The following RAD17 variants were observed in gnomAD, a reference collection of about 807,000 sequenced individuals.
The protein encoded by RAD17 is RAD17 checkpoint clamp loader component, also known as cell cycle checkpoint protein RAD17.
In RAD17, 31 loss-of-function variants were observed where a neutral mutation model predicts 81.5. The ratio of observed to expected loss-of-function variants is 0.38; its 90% CI spans 0.29 to 0.51. The LOEUF is 0.51. Among genes scored for constraint, RAD17 ranks in the 20% least tolerant of loss-of-function variants. The probability of loss-of-function intolerance (pLI) is 0.88; values close to 1 mark genes in which losing one functional copy is unlikely to be tolerated. For synonymous variants in RAD17, 261 were observed against 266.2 expected (o/e 0.98, Z 0.19); for missense variants, 681 against 781.2 (o/e 0.87, Z 1.53).
intron 16 of RAD17, among the ~76,000 whole-genome samples, chr5:69,397,153 A>G (rs1764943679): frequency 6.7e-6 from 1 of 149,808 alleles, no homozygotes; most frequent in Admixed American, 6.7e-5. Context: ...TTTATTTTTT[A>G]TTTTTATTCA....
At position 69,400,039 on chromosome 5, in the gene RAD17, T is replaced by C; in HGVS notation, c.1573-10T>C. 6.4e-7 allele frequency: 1 copy of C among 1,553,412 alleles called. No individual in the cohort carries two copies. The highest frequency in any genetic ancestry group is 8.7e-7 in the Non-Finnish European group (1 of 1,150,050). On this transcript the variant is annotated splice_polypyrimidine_tract_variant and intron_variant, in intron 16 of 18. Coordinates refer to ENST00000354868, the MANE Select transcript of RAD17 (RefSeq NM_133338.3). ...TTTCCTTTCATCTTTTTTTTTTCTT[T>C]TCTATACAGTATCGGGAAAATTGCC...
intron 4 of RAD17, among the ~76,000 whole-genome samples, chr5:69,373,367 A>G (rs563767916): frequency 1.3e-5 from 2 of 152,318 alleles, no homozygotes; most frequent in South Asian, 4.1e-4. Context: ...TAGAAAAACA[A>G]CTATTACAGA....
At chr5:69,406,998 GA>G (rs1241976059) in intron 17 of RAD17, among the ~76,000 whole-genome samples, 5 of 122,582 alleles carry the variant, frequency 4.1e-5, no homozygotes, top group Non-Finnish European at 6.6e-5. Context: ...GTTTGTAGTA[GA>G]TTTTTTTTTT....
At chr5:69,409,248 G>GTA (rs1328899032) in intron 17 of RAD17, among the ~76,000 whole-genome samples, 2 of 152,112 alleles carry the variant, frequency 1.3e-5, no homozygotes. Context: ...TAACAAGCTG[G>GTA]GGTAAGGGAG....
chr5:69,399,382 A>C (rs567072545), intron 16 of RAD17, among the ~76,000 whole-genome samples: 1 of 152,162 alleles, frequency 6.6e-6, no homozygotes, highest in Non-Finnish European at 1.5e-5. Flanking sequence ...TGGTTCATTC[A>C]CTTATATTGC....
At chr5:69,369,692 G>C (rs1487402357), upstream of RAD17, 30 of 1,553,464 alleles carry the variant, frequency 1.9e-5, no homozygotes, top group Non-Finnish European at 2.5e-5. Context: ...CGCAAAGTTG[G>C]AGGGTGGGCA....
rs550222595 is a variant in RAD17 at position 69,407,562 on chromosome 5, G to GTTTTTTT, written c.1694-2906_1694-2900dup. 3.0e-3 allele frequency among the ~76,000 whole-genome samples: 122 copies of GTTTTTTT among 40,936 alleles called. 41 individuals carry two copies. The highest frequency in any genetic ancestry group is 8.1e-3 in the East Asian group (8 of 986). 26.9% of individuals were successfully genotyped at this position (40,936 alleles called of 152,430 possible). On this transcript the variant is annotated intron_variant, in intron 17 of 18. Coordinates refer to ENST00000354868, the MANE Select transcript of RAD17 (RefSeq NM_133338.3). Reference sequence around the variant, plus strand: ...CTTCTATATGTCAATCTATGTCCAAGTTTTTTTTTTTTTTTTTTTTTTTTT... The same window carrying GTTTTTTT: ...CTTCTATATGTCAATCTATGTCCAAGTTTTTTTTTTTTTTTTTTTTTTTTTTTTTTTT...
At chr5:69,370,478 T>A (rs769539107) in intron 1 of RAD17, among the ~76,000 whole-genome samples, 2 of 152,108 alleles carry the variant, frequency 1.3e-5, no homozygotes, top group Non-Finnish European at 2.9e-5. Flanking sequence ...TAGCTGGGAT[T>A]ACAGGCGCCC....
At chr5:69,396,316 T>G (rs1311777470) in intron 15 of RAD17, 81 bp from the exon 16 acceptor site, 3 of 1,394,882 alleles carry the variant, frequency 2.2e-6, no homozygotes, top group African/African-American at 1.4e-5. Flanking sequence ...TAAATACGGT[T>G]AGTATTTTTG....
intron 16 of RAD17, 114 bp from the exon 17 acceptor site, chr5:69,399,935 C>T (rs1231313684): frequency 1.1e-5 from 7 of 638,924 alleles, no homozygotes; most frequent in Admixed American, 7.6e-5. Flanking sequence ...TATATAAACC[C>T]ACAAGTTAAT....
chr5:69,372,620 T>C (rs921782875), intron 4 of RAD17, among the ~76,000 whole-genome samples: 1 of 150,420 alleles, frequency 6.6e-6, no homozygotes, highest in African/African-American at 2.4e-5. Context: ...ATTAGCAAAA[T>C]TTTTTTTTTG....
chr5:69,405,389 AGGCGTGGT>A (rs2150875167), intron 17 of RAD17, among the ~76,000 whole-genome samples: 1 of 151,330 alleles, frequency 6.6e-6, no homozygotes, highest in Non-Finnish European at 1.5e-5. Flanking sequence ...AAAATAGGCC[AGGCGTGGT>A]GGCTCACGCT....
chr5:69,373,985 A>T lies in RAD17; in HGVS notation c.165A>T (p.Arg55Ser), dbSNP rs556616529. The T allele has an allele frequency of 1.2e-6, 2 of 1,613,322 alleles. No homozygotes were observed. Among genetic ancestry groups the T allele is most frequent in the Non-Finnish European group, 1.7e-6 (2 of 1,179,418 alleles). ...GCAGCAGATTTCCAGCGAGAAAAAG[A>T]GGAAATCTATCTTCCTTAGAACAGA... is the stretch of plus-strand genomic sequence containing the variant. ...LESSRFPARKRGNLSSLEQIY... is the reference protein window; with the variant it reads ...LESSRFPARKSGNLSSLEQIY... The change falls in exon 5 of 19, where the codon AGA becomes AGT. Residue 55 changes from arginine (R) to serine (S), a missense_variant. Physicochemically the swap from Arg to Ser is moderately radical, Grantham distance 110. Coordinates refer to ENST00000354868, the MANE Select transcript of RAD17 (RefSeq NM_133338.3).
At position 69,371,558 on chromosome 5, in the gene RAD17, G is replaced by T; in HGVS notation, c.-176+1G>T. 1 of 1,425,864 alleles carries T rather than the reference G, an allele frequency of 7.0e-7. No homozygotes were observed. The highest frequency in any genetic ancestry group is 9.3e-7 in the Non-Finnish European group (1 of 1,069,606). The allele number at this position is 1,425,864 out of a possible 1,614,324, so 88.3% of individuals were successfully genotyped here. ...TAGACCAAAGGTATCTTCCACAAAG[G>T]TATGATACACTGGAATGGCCATGTA... On this transcript the variant is annotated splice_donor_variant, in intron 3 of 18. Transcript: ENST00000354868. LOFTEE classifies it low-confidence loss of function (5UTR_SPLICE).
At chr5:69,377,678 C>T (rs866203244) in intron 6 of RAD17, among the ~76,000 whole-genome samples, 4 of 4,932 alleles carry the variant, frequency 8.1e-4, no homozygotes, top group African/African-American at 9.1e-4. Context: ...TATATATATG[C>T]ATATATATAT....
At chr5:69,369,474 A>G, upstream of RAD17, 1 of 1,610,952 alleles carries the variant, frequency 6.2e-7, no homozygotes, top group African/African-American at 1.3e-5. Context: ...GGTGAGCAGG[A>G]TGTTCGGAAG....
chr5:69,382,205 A>T, intron 7 of RAD17, 148 bp downstream of exon 7: 1 of 889,890 alleles, frequency 1.1e-6, no homozygotes, highest in South Asian at 1.6e-5. Context: ...TGGCTGTCAC[A>T]TGGGAGGCTG....
chr5:69,387,610 C>T (rs547666791), intron 11 of RAD17, among the ~76,000 whole-genome samples: 6 of 152,296 alleles, frequency 3.9e-5, no homozygotes, highest in African/African-American at 1.4e-4. Flanking sequence ...GTAATCTTAA[C>T]ACTTTGGGAG....
intron 6 of RAD17, among the ~76,000 whole-genome samples, chr5:69,380,508 C>T (rs1763785632): frequency 1.3e-5 from 2 of 152,290 alleles, no homozygotes; most frequent in Admixed American, 1.3e-4. Context: ...AGTTTGAACT[C>T]ATGGTGAACA....
Sources: gnomAD v4.1 joint callset for allele counts (sites outside exome capture counted in the v4.1 genomes callset) on GRCh38, gnomAD v4.1.1 for gene constraint, MANE v1.5 for transcripts, NCBI Gene and HGNC (gene_info 2026-07-23, HGNC 2026-07-21) for gene names.